Variants in VWC2L observed in about 807,000 individuals in gnomAD.
VWC2L encodes von Willebrand factor C domain-containing protein 2-like.
Under a neutral mutation model 21.6 loss-of-function variants are expected in VWC2L, and 10 were observed. The ratio of observed to expected loss-of-function variants is 0.46; its 90% CI spans 0.29 to 0.78. The LOEUF (loss-of-function observed/expected upper bound fraction) is 0.78, where lower values mean the gene tolerates loss of function less well. VWC2L is among the 30% of genes least tolerant of loss of function. The probability of loss-of-function intolerance (pLI) is 0.10; values close to 1 mark genes in which losing one functional copy is unlikely to be tolerated. For missense variants in VWC2L, 209 were observed against 277.1 expected (o/e 0.75, Z 1.74); for synonymous variants, 96 against 94.3 (o/e 1.02, Z -0.10).
chr2:214,577,827 T>C lies in VWC2L; in HGVS notation c.*2007T>C, dbSNP rs1690257131. On this transcript the variant is annotated 3_prime_UTR_variant, in exon 4 of 4. Transcript: ENST00000312504. ...GCTGACGAGTCAGACCTGACATTCTTATGCACACTGTGCTTGCGTTATGAT... is the reference window on the plus strand; with the variant it reads ...GCTGACGAGTCAGACCTGACATTCTCATGCACACTGTGCTTGCGTTATGAT... 6.6e-6 allele frequency: 1 copy of C among 152,200 alleles called. No homozygotes were observed. The highest frequency in any genetic ancestry group is 1.5e-5 in the Non-Finnish European group (1 of 68,042). The allele number at this position is 152,200 out of a possible 1,614,324, so 9.4% of individuals were successfully genotyped here.
At chr2:214,542,208 C>T (rs1373830955) in intron 3 of VWC2L, among the ~76,000 whole-genome samples, 1 of 152,164 alleles carries the variant, frequency 6.6e-6, no homozygotes, top group Non-Finnish European at 1.5e-5. Context: ...AAGCTATGCT[C>T]ACTGGGGACT....
chr2:214,558,649 GT>G (rs973505547), intron 3 of VWC2L, among the ~76,000 whole-genome samples: 8 of 152,018 alleles, frequency 5.3e-5, no homozygotes, highest in African/African-American at 1.7e-4. Flanking sequence ...GCCTGGACTA[GT>G]GTAAAAATTG....
chr2:214,414,533 A>G lies in VWC2L; in HGVS notation c.340A>G (p.Asn114Asp), dbSNP rs1213189124. 6.2e-7 allele frequency: 1 copy of G among 1,613,048 alleles called. No individual in the cohort carries two copies. The highest frequency in any genetic ancestry group is 1.3e-5 in the African/African-American group (1 of 74,866). ...GCCPECKEVKNFCEYHGKNYK... is the reference protein window; with the variant it reads ...GCCPECKEVKDFCEYHGKNYK... ...CTGTCCTGAGTGCAAAGAAGTAAAAAACTTCTGTGAATATCACGGGAAAAA... is the reference window on the plus strand; with the variant it reads ...CTGTCCTGAGTGCAAAGAAGTAAAAGACTTCTGTGAATATCACGGGAAAAA... The change falls in exon 2 of 4, where the codon AAC (asparagine) becomes GAC (aspartate). Residue 114 changes from asparagine (N) to aspartate (D), a missense_variant. Coordinates refer to ENST00000312504, the MANE Select transcript of VWC2L (RefSeq NM_001080500.4).
intron 3 of VWC2L, among the ~76,000 whole-genome samples, chr2:214,573,118 G>C (rs113539138): frequency 6.6e-6 from 1 of 152,030 alleles, no homozygotes; most frequent in Non-Finnish European, 1.5e-5. Flanking sequence ...ATCCCTTCAG[G>C]ATAAGCATAG....
intron 3 of VWC2L, among the ~76,000 whole-genome samples, chr2:214,490,804 G>C (rs1331311587): frequency 2.0e-5 from 3 of 152,200 alleles, no homozygotes; most frequent in Admixed American, 6.5e-5. Context: ...TTGCTGCATA[G>C]AAGTTAAACA....
At chr2:214,493,782 C>A (rs953872020) in intron 3 of VWC2L, among the ~76,000 whole-genome samples, 3 of 152,020 alleles carry the variant, frequency 2.0e-5, no homozygotes, top group Non-Finnish European at 4.4e-5. Context: ...TCACCCAGAC[C>A]CCAGGGACTG....
chr2:214,542,861 T>A (rs1689649324), intron 3 of VWC2L, among the ~76,000 whole-genome samples: 2 of 152,290 alleles, frequency 1.3e-5, no homozygotes, highest in South Asian at 4.1e-4. Context: ...TGTGCACAGT[T>A]TAGAAATCAT....
chr2:214,493,826 A>G (rs1688776508), intron 3 of VWC2L, among the ~76,000 whole-genome samples: 1 of 152,196 alleles, frequency 6.6e-6, no homozygotes, highest in Admixed American at 6.5e-5. Context: ...GAGGTTATTG[A>G]CAAAGGAGAT....
In VWC2L at chr2:214,464,348, C is replaced by T. The variant is rs536416752; in HGVS notation, c.520+27590C>T. On this transcript the variant is annotated intron_variant, in intron 3 of 3. Coordinates refer to ENST00000312504, the MANE Select transcript of VWC2L (RefSeq NM_001080500.4). Reference sequence around the variant, plus strand: ...ATTGTGGTTACTACAGCTGTATTTGCATTAGAGGGTACCCCAAGACCAGTA... The same window carrying T: ...ATTGTGGTTACTACAGCTGTATTTGTATTAGAGGGTACCCCAAGACCAGTA... 3.9e-5 allele frequency among the ~76,000 whole-genome samples: 6 copies of T among 152,254 alleles called. No homozygotes were observed. The East Asian group carries it at 9.7e-4, about 25-fold the overall frequency.
At chr2:214,450,958 G>A (rs1702944706) in intron 3 of VWC2L, among the ~76,000 whole-genome samples, 1 of 152,056 alleles carries the variant, frequency 6.6e-6, no homozygotes, top group Non-Finnish European at 1.5e-5. Context: ...ATTTGTGGAG[G>A]AGGAAGCTGA....
intron 3 of VWC2L, among the ~76,000 whole-genome samples, chr2:214,531,858 A>C (rs1311680004): frequency 6.6e-6 from 1 of 152,158 alleles, no homozygotes; most frequent in African/African-American, 2.4e-5. Flanking sequence ...GGAAATAAAA[A>C]CTAGAGTAGC....
intron 3 of VWC2L, among the ~76,000 whole-genome samples, chr2:214,515,971 G>A (rs1013031086): frequency 2.0e-5 from 3 of 152,142 alleles, no homozygotes; most frequent in Non-Finnish European, 4.4e-5. Flanking sequence ...GCCTCAGAAA[G>A]TGCTTGACAC....
At chr2:214,530,273 T>C (rs979511288) in intron 3 of VWC2L, among the ~76,000 whole-genome samples, 1 of 152,150 alleles carries the variant, frequency 6.6e-6, no homozygotes, top group Admixed American at 6.6e-5. Flanking sequence ...CATTGTGGCA[T>C]GTGGTTAACA....
chr2:214,501,114 T>C (rs1259456263), intron 3 of VWC2L, among the ~76,000 whole-genome samples: 1 of 152,108 alleles, frequency 6.6e-6, no homozygotes, highest in Non-Finnish European at 1.5e-5. Flanking sequence ...AGTAAGCCAA[T>C]ACTAAACCCC....
chr2:214,497,660 T>G (rs1202001525), intron 3 of VWC2L, among the ~76,000 whole-genome samples: 3 of 152,200 alleles, frequency 2.0e-5, no homozygotes, highest in Admixed American at 6.6e-5. Context: ...TCACTCTCTT[T>G]ATCAGTGTTT....
At chr2:214,413,336 C>T (rs1469965987) in intron 1 of VWC2L, among the ~76,000 whole-genome samples, 1 of 151,688 alleles carries the variant, frequency 6.6e-6, no homozygotes, top group Admixed American at 6.6e-5. Flanking sequence ...ATCTTTCCTG[C>T]CCACTAGGAG....
At chr2:214,569,245 C>T (rs1690113150) in intron 3 of VWC2L, among the ~76,000 whole-genome samples, 1 of 152,136 alleles carries the variant, frequency 6.6e-6, no homozygotes, top group African/African-American at 2.4e-5. Context: ...CTGTCTATTT[C>T]ATCCATGAGT....
At chr2:214,513,014 A>G (rs1305319975) in intron 3 of VWC2L, among the ~76,000 whole-genome samples, 1 of 152,138 alleles carries the variant, frequency 6.6e-6, no homozygotes, top group Non-Finnish European at 1.5e-5. Context: ...TAGTCCAACT[A>G]TGATGAGTAG....
chr2:214,555,472 T>G (rs1689859756), intron 3 of VWC2L, among the ~76,000 whole-genome samples: 1 of 152,240 alleles, frequency 6.6e-6, no homozygotes, highest in Non-Finnish European at 1.5e-5. Context: ...GAGCTGGAAA[T>G]ACATCTTATT....
Sources: gnomAD v4.1 joint callset for allele counts (sites outside exome capture counted in the v4.1 genomes callset) on GRCh38, gnomAD v4.1.1 for gene constraint, MANE v1.5 for transcripts, NCBI Gene and HGNC (gene_info 2026-07-23, HGNC 2026-07-21) for gene names.